GPSM1: variants seen among roughly 807,000 people sequenced by gnomAD.
The protein encoded by GPSM1 is G protein signaling modulator 1, also known as G protein-signaling modulator 1.
In GPSM1, 48 loss-of-function variants were observed where a neutral mutation model predicts 70.5. That is an observed-to-expected ratio of 0.68 (90% confidence interval 0.54 to 0.87). GPSM1 has a LOEUF of 0.87. Among genes scored for constraint, GPSM1 ranks in the 40% least tolerant of loss-of-function variants. The pLI is 0.00. For synonymous variants in GPSM1, 416 were observed against 430.1 expected, an observed-to-expected ratio of 0.97 and a Z score of 0.41; for missense variants, 981 against 972.6, an observed-to-expected ratio of 1.01 and a Z score of -0.11.
At chr9:136,344,144 C>T (rs1423597321) in intron 9 of GPSM1, among the ~76,000 whole-genome samples, 8 of 118,606 alleles carry the variant, frequency 6.7e-5, no homozygotes, top group African/African-American at 2.2e-4. Flanking sequence ...CGGACAGGAA[C>T]GGGGGAGGTG....
rs369457427 is a variant in GPSM1 at position 136,356,386 on chromosome 9, G to A, written c.1657G>A (p.Asp553Asn). 39 of 1,608,148 alleles carry A rather than the reference G, an allele frequency of 2.4e-5. No homozygotes were observed. Among genetic ancestry groups the A allele is most frequent in the Non-Finnish European group, 3.1e-5 (37 of 1,177,550 alleles). Reference protein sequence around the residue: ...TASPQTEEFFDLIASSQSRRL... With the variant: ...TASPQTEEFFNLIASSQSRRL... ...CTCGCCCCAGACCGAGGAATTCTTC[G>A]ACCTCATCGCCAGCTCCCAGAGCCG... The change falls in exon 13 of 14, where the codon GAC becomes AAC. Residue 553 changes from aspartate to asparagine, a missense_variant. Physicochemically the swap from Asp to Asn is conservative, Grantham distance 23 (BLOSUM62 1). Transcript: ENST00000440944.
At chr9:136,344,850 C>A (rs1387606091) in intron 9 of GPSM1, among the ~76,000 whole-genome samples, 1 of 152,166 alleles carries the variant, frequency 6.6e-6, no homozygotes, top group Non-Finnish European at 1.5e-5. Context: ...TGTGTGAGAC[C>A]CCCTCCCCAA....
rs1401525256 is a variant in GPSM1 at position 136,342,817 on chromosome 9, G to C, written c.1207+1824G>C. Among the ~76,000 whole-genome samples, 1 of 152,092 alleles carries C rather than the reference G, an allele frequency of 6.6e-6. No individual in the cohort carries two copies. Among genetic ancestry groups the C allele is most frequent in the Non-Finnish European group, 1.5e-5 (1 of 67,984 alleles). ...CCTGGCCGTGCGGAGGGGGCGCCAG[G>C]GCTGGGGGCACAGGAGGGCGCTGCC... On this transcript the variant is annotated intron_variant, in intron 9 of 13. Transcript: ENST00000440944. The surrounding 1 kb of genome is among the most constrained non-coding windows in gnomAD (Gnocchi z 5.5).
At chr9:136,338,803 C>A in intron 7 of GPSM1, 93 bp downstream of exon 7, 1 of 1,252,172 alleles carries the variant, frequency 8.0e-7, no homozygotes, top group Non-Finnish European at 1.1e-6. Context: ...CCATCCCCTG[C>A]TCTGCCACTG....
At chr9:136,335,334 T>C (rs112364771) in intron 2 of GPSM1, among the ~76,000 whole-genome samples, 144,597 of 152,180 alleles carry the variant, frequency 0.95, 68,775 homozygotes, top group East Asian at 1. Flanking sequence ...CTCCCCAACC[T>C]ACTCCCCGCC....
chr9:136,328,351 T>C (rs904092456), intron 1 of GPSM1, among the ~76,000 whole-genome samples: 2 of 152,122 alleles, frequency 1.3e-5, no homozygotes, highest in Non-Finnish European at 2.9e-5. Context: ...TGACTCCCAA[T>C]GTCCCCCCAG....
intron 2 of GPSM1, among the ~76,000 whole-genome samples, chr9:136,335,648 C>CAGACCCCA (rs1554769096): frequency 6.6e-6 from 1 of 152,190 alleles, no homozygotes. Flanking sequence ...CTAAGAGCTG[C>CAGACCCCA]AGACCCCAGC....
Position 136,338,657 on chromosome 9 carries a change from C to G in GPSM1, c.921C>G (p.Arg307=), listed in dbSNP as rs374292241. 73 of 1,587,966 alleles carry G rather than the reference C, an allele frequency of 4.6e-5. No individual in the cohort carries two copies. The highest frequency in any genetic ancestry group is 5.9e-5 in the Non-Finnish European group (69 of 1,168,804). ...NTYTLLQDYE[R]AAEYHLRHLL... ...ACACGCTGCTGCAGGACTACGAGCG[C>G]GCGGCCGAGTACCACCTGCGGCACC... The change falls in exon 7 of 14, where the codon CGC becomes CGG. Residue 307 remains arginine (R), a synonymous_variant. Coordinates refer to ENST00000440944, the MANE Select transcript of GPSM1 (RefSeq NM_001145638.3).
chr9:136,338,634 A>G lies in GPSM1; in HGVS notation c.898A>G (p.Thr300Ala). The G allele has an allele frequency of 2.5e-6, 4 of 1,607,324 alleles. No individual in the cohort carries two copies. Among genetic ancestry groups the G allele is most frequent in the Non-Finnish European group, 3.4e-6 (4 of 1,178,034 alleles). ...CTGCTACAGTCTGGGCAACACCTAC[A>G]CGCTGCTGCAGGACTACGAGCGCGC... The part of the protein sequence containing the change: ...QACYSLGNTY[T>A]LLQDYERAAE... The change falls in exon 7 of 14, where the codon ACG becomes GCG. Residue 300 changes from threonine to alanine, a missense_variant. Thr to Ala is a moderately conservative substitution (Grantham distance 58, BLOSUM62 0). Coordinates refer to ENST00000440944, the MANE Select transcript of GPSM1 (RefSeq NM_001145638.3).
At chr9:136,348,151 A>G (rs1832567892) in intron 9 of GPSM1, among the ~76,000 whole-genome samples, 1 of 152,158 alleles carries the variant, frequency 6.6e-6, no homozygotes, top group South Asian at 2.1e-4. Context: ...GATGGACAGG[A>G]GCCCGGGGAA....
At position 136,340,988 on chromosome 9, in the gene GPSM1, C is replaced by T. The variant is rs926161742; in HGVS notation, c.1202C>T (p.Ala401Val). The T allele has an allele frequency of 6.4e-7, 1 of 1,566,490 alleles. No individual in the cohort carries two copies. The highest frequency in any genetic ancestry group is 2.4e-5 in the East Asian group (1 of 42,236). Residue 401 changes from alanine to valine, a missense_variant, in exon 9 of 14, where the codon GCC becomes GTC. Coordinates refer to ENST00000440944, the MANE Select transcript of GPSM1 (RefSeq NM_001145638.3). This position sits in a 1 kb window ranked among gnomAD's most constrained non-coding sequence, Gnocchi z 7.3. ...SEKPDLAGYEAQGARPKRTQR... is the reference protein window; with the variant it reads ...SEKPDLAGYEVQGARPKRTQR... ...AAGCCTGACCTGGCCGGCTATGAGG[C>T]CCAGGGTGAGTTCCAGGGTTGTGGG...
chr9:136,331,308 T>C (rs938932080), intron 1 of GPSM1, among the ~76,000 whole-genome samples: 2 of 146,488 alleles, frequency 1.4e-5, no homozygotes, highest in African/African-American at 2.6e-5. Flanking sequence ...GCCAGTCAGG[T>C]GAGGGAGAGC....
chr9:136,332,747 G>A (rs1229110623), intron 1 of GPSM1, among the ~76,000 whole-genome samples: 1 of 151,784 alleles, frequency 6.6e-6, no homozygotes, highest in Admixed American at 6.6e-5. Flanking sequence ...GGCAGGTAGT[G>A]GGTGGGAGGG....
At chr9:136,348,574 G>T (rs117390886) in intron 9 of GPSM1, 123 bp from the exon 10 acceptor site, 37,020 of 649,304 alleles carry the variant, frequency 0.057, 1,342 homozygotes, top group Non-Finnish European at 0.071. Flanking sequence ...GCCTCCACAA[G>T]GGGGGCTGGC....
chr9:136,353,875 G>C (rs1564356783), intron 11 of GPSM1, among the ~76,000 whole-genome samples: 2 of 152,322 alleles, frequency 1.3e-5, no homozygotes, highest in South Asian at 4.1e-4. Flanking sequence ...CTGGCACTCA[G>C]GCTGGCAACC....
intron 9 of GPSM1, among the ~76,000 whole-genome samples, chr9:136,348,464 C>G (rs533292318): frequency 6.6e-6 from 1 of 152,242 alleles, no homozygotes; most frequent in Non-Finnish European, 1.5e-5. Context: ...AGCCAGACCC[C>G]ACCTGGCCCC....
Position 136,356,550 on chromosome 9 carries a change from G to C in GPSM1, c.1821G>C (p.Gln607His), listed in dbSNP as rs1554773226. The C allele has an allele frequency of 1.2e-6, 2 of 1,608,370 alleles. No individual in the cohort carries two copies. The highest frequency in any genetic ancestry group is 1.7e-5 in the Admixed American group (1 of 59,616). ...TCTTCAACATGCTCATCAAGTACCAGGTGGGCTGCGGCCCTGGGCGGGCGT... is the reference window on the plus strand; with the variant it reads ...TCTTCAACATGCTCATCAAGTACCACGTGGGCTGCGGCCCTGGGCGGGCGT... Reference protein sequence around the residue: ...DDFFNMLIKYQSSRIDDQRCP... With the variant: ...DDFFNMLIKYHSSRIDDQRCP... The change falls in exon 13 of 14, where the codon CAG becomes CAC. Residue 607 changes from glutamine to histidine, a missense_variant and splice_region_variant. Gln to His is a conservative substitution (Grantham distance 24, BLOSUM62 0). Transcript: ENST00000440944.
chr9:136,336,349 T>C (rs1478255930), intron 3 of GPSM1, among the ~76,000 whole-genome samples: 2 of 151,994 alleles, frequency 1.3e-5, no homozygotes, highest in African/African-American at 4.8e-5. Context: ...CCCCTCTCGG[T>C]GACCTCCCCC....
At chr9:136,335,122 G>A (rs181435498) in intron 2 of GPSM1, among the ~76,000 whole-genome samples, 3 of 152,280 alleles carry the variant, frequency 2.0e-5, no homozygotes, top group Admixed American at 2.0e-4. Flanking sequence ...ACTCGTGACT[G>A]TGTGTGGCCC....
Sources: allele counts gnomAD v4.1 joint callset (sites outside exome capture counted in the v4.1 genomes callset), GRCh38; gene constraint gnomAD v4.1.1; non-coding constraint Gnocchi (gnomAD v3.1); transcripts MANE v1.5; gene names NCBI Gene and HGNC (gene_info 2026-07-23, HGNC 2026-07-21).